MAMLD1: variants seen among roughly 807,000 people sequenced by gnomAD.
MAMLD1 encodes the protein mastermind like domain containing 1, also known as mastermind-like domain-containing protein 1.
MAMLD1 carries 14 observed loss-of-function variants against 45.0 expected under a neutral mutation model. That is an observed-to-expected ratio of 0.31 (90% confidence interval 0.21 to 0.49). The LOEUF is 0.49. Among genes scored for constraint, MAMLD1 ranks in the 20% least tolerant of loss-of-function variants. The pLI, the probability that MAMLD1 is intolerant of heterozygous loss-of-function variation, is 0.99. For synonymous variants in MAMLD1, 254 were observed against 247.8 expected (o/e 1.02, Z -0.24); for missense variants, 543 against 603.6 (o/e 0.90, Z 1.05).
chrX:150,365,364 C>A (rs1343870362), intron 1 of MAMLD1, among the ~76,000 whole-genome samples: 1 of 112,466 alleles, frequency 8.9e-6, no homozygotes, highest in Non-Finnish European at 1.9e-5. Context: ...CACGCCCGGC[C>A]TGCCAGCCCT....
chrX:150,409,325 A>G (rs1203890993), intron 1 of MAMLD1, among the ~76,000 whole-genome samples: 2 of 110,746 alleles, frequency 1.8e-5, no homozygotes, highest in Admixed American at 1.9e-4. Flanking sequence ...ACCCCATTCA[A>G]TTGAATAAGG....
chrX:150,371,776 T>G (rs1019066588), intron 1 of MAMLD1, among the ~76,000 whole-genome samples: 3 of 111,844 alleles, frequency 2.7e-5, no homozygotes, highest in Non-Finnish European at 5.6e-5. Flanking sequence ...AGCTCTGCCT[T>G]CCTTTCTGTG....
intron 5 of MAMLD1, among the ~76,000 whole-genome samples, chrX:150,494,325 C>T (rs188304153): frequency 9.0e-6 from 1 of 110,678 alleles, no homozygotes; most frequent in Non-Finnish European, 1.9e-5. Flanking sequence ...ACCCAGGAGG[C>T]GGAGGTTGCA....
rs1312492994 is a variant in MAMLD1 at position 150,422,607 on chromosome X, G to A, written c.-63-22847G>A. 4.5e-5 allele frequency among the ~76,000 whole-genome samples: 5 copies of A among 111,740 alleles called. No individual in the cohort carries two copies. In the Admixed American group the frequency reaches 4.7e-4, roughly 11 times the overall value. ...TGTGTGTGTATTTTTAGTAGAAATA[G>A]GATTTCACCATGTTGGCCAGGCTGG... On this transcript the variant is annotated intron_variant, in intron 1 of 7. Transcript: ENST00000370401.
intron 1 of MAMLD1, among the ~76,000 whole-genome samples, chrX:150,391,557 T>C (rs1283992737): frequency 8.9e-6 from 1 of 112,016 alleles, no homozygotes; most frequent in Non-Finnish European, 1.9e-5. Context: ...CATTTGTTTC[T>C]TTTTTATAAT....
At chrX:150,462,880 C>T in intron 3 of MAMLD1, 34 bp downstream of exon 3, 1 of 1,103,546 alleles carries the variant, frequency 9.1e-7, no homozygotes, top group Non-Finnish European at 1.3e-6. Flanking sequence ...GGGACCCATT[C>T]ACTTTACAGT....
At chrX:150,432,415 G>A (rs181801333) in intron 1 of MAMLD1, among the ~76,000 whole-genome samples, 159 of 111,755 alleles carry the variant, frequency 1.4e-3, no homozygotes, top group Non-Finnish European at 1.4e-3. Flanking sequence ...AAGTTCCTTA[G>A]TTTAAATAGG....
chrX:150,498,013 T>C (rs782477818), intron 5 of MAMLD1, among the ~76,000 whole-genome samples: 6 of 111,279 alleles, frequency 5.4e-5, no homozygotes, highest in Non-Finnish European at 9.4e-5. Context: ...GATTCATTAA[T>C]TGAAATGACC....
chrX:150,398,354 A>G (rs2033602758), intron 1 of MAMLD1, among the ~76,000 whole-genome samples: 1 of 108,084 alleles, frequency 9.3e-6, no homozygotes, highest in Non-Finnish European at 1.9e-5. Context: ...GAAGAGGAAG[A>G]GGAAGAGGAA....
At chrX:150,494,881 C>T (rs1009178434) in intron 5 of MAMLD1, among the ~76,000 whole-genome samples, 71 of 94,188 alleles carry the variant, frequency 7.5e-4, no homozygotes, top group African/African-American at 2.1e-3. Context: ...TGATACCCTG[C>T]CTCAATACAA....
chrX:150,380,133 C>T (rs2032530615), intron 1 of MAMLD1, among the ~76,000 whole-genome samples: 1 of 112,221 alleles, frequency 8.9e-6, no homozygotes, highest in Non-Finnish European at 1.9e-5. Context: ...TACCAATTTG[C>T]ATTCCCATTA....
intron 1 of MAMLD1, among the ~76,000 whole-genome samples, chrX:150,410,619 G>C (rs2034102067): frequency 8.9e-6 from 1 of 112,566 alleles, no homozygotes; most frequent in African/African-American, 3.2e-5. Context: ...AACATCGGTA[G>C]GGCTTACCAC....
intron 2 of MAMLD1, among the ~76,000 whole-genome samples, chrX:150,447,931 A>G (rs611711): frequency 0.4 from 44,760 of 111,157 alleles, 6,776 homozygotes; most frequent in East Asian, 0.8. Flanking sequence ...CATTCAGCTT[A>G]ACTGGTTCTC....
chrX:150,479,239 G>A (rs2036677546), intron 5 of MAMLD1, among the ~76,000 whole-genome samples: 2 of 111,452 alleles, frequency 1.8e-5, no homozygotes, highest in African/African-American at 6.5e-5. Context: ...TAAGTGAGAC[G>A]ACACTTTCAA....
At chrX:150,387,303 T>A (rs782699458) in intron 1 of MAMLD1, among the ~76,000 whole-genome samples, 1 of 111,908 alleles carries the variant, frequency 8.9e-6, no homozygotes, top group Non-Finnish European at 1.9e-5. Context: ...GGTCAAAAAA[T>A]TCTTGGTTGT....
chrX:150,509,198 A>G (rs1478612828), intron 6 of MAMLD1: 1 of 111,564 alleles, frequency 9.0e-6, no homozygotes, highest in Non-Finnish European at 1.9e-5. Context: ...GAAGGGCGGG[A>G]GGTTGGCAGT....
In MAMLD1 at chrX:150,435,081, A is replaced by G. The variant is rs868936662; in HGVS notation, c.-63-10373A>G. Among the ~76,000 whole-genome samples, 3 of 111,700 alleles carry G rather than the reference A, an allele frequency of 2.7e-5. 1 individual carries two copies. The highest frequency in any genetic ancestry group is 8.3e-3 in the Middle Eastern group (2 of 240). ...AGGTCCCTAAGAACTTGCTTTATGA[A>G]TCTGATGCTCCTGTGTTGGGTGCAT... On this transcript the variant is annotated intron_variant, in intron 1 of 7. Transcript: ENST00000370401.
At chrX:150,507,535 A>C (rs598334) in intron 6 of MAMLD1, among the ~76,000 whole-genome samples, 47,283 of 110,831 alleles carry the variant, frequency 0.43, 7,215 homozygotes, top group East Asian at 0.66. Flanking sequence ...AGGTGAAGAG[A>C]CCATGGAGGA....
intron 2 of MAMLD1, among the ~76,000 whole-genome samples, chrX:150,456,488 G>A (rs1602878710): frequency 9.0e-6 from 1 of 111,481 alleles, no homozygotes; most frequent in African/African-American, 3.3e-5. Flanking sequence ...ACCAAGACTT[G>A]GATCTGAAGG....
Sources: gnomAD v4.1 joint callset for allele counts (sites outside exome capture counted in the v4.1 genomes callset) on GRCh38, gnomAD v4.1.1 for gene constraint, MANE v1.5 for transcripts, NCBI Gene and HGNC (gene_info 2026-07-23, HGNC 2026-07-21) for gene names.